SLCO5A1: variants seen among roughly 807,000 people sequenced by gnomAD.
The protein encoded by SLCO5A1 is solute carrier organic anion transporter family member 5A1, also known as organic anion transporter polypeptide-related protein 4.
Under a neutral mutation model 65.1 loss-of-function variants are expected in SLCO5A1, and 39 were observed. That is an observed-to-expected ratio of 0.60 (90% CI 0.46 to 0.78). The LOEUF (loss-of-function observed/expected upper bound fraction) is 0.78, where lower values mean the gene tolerates loss of function less well. Among genes scored for constraint, SLCO5A1 ranks in the 30% least tolerant of loss-of-function variants. The probability of loss-of-function intolerance (pLI) is 0.00; values close to 1 mark genes in which losing one functional copy is unlikely to be tolerated. For synonymous variants in SLCO5A1, 438 were observed against 415.7 expected (o/e 1.05, Z -0.65); for missense variants, 1,029 against 1,069.4 (o/e 0.96, Z 0.53).
intron 5 of SLCO5A1, chr8:69,713,787 A>C (rs1009677276): frequency 7.9e-5 from 12 of 152,234 alleles, no homozygotes; most frequent in African/African-American, 2.9e-4. Flanking sequence ...AGAAACACCT[A>C]AAGAGTTCTA....
intron 9 of SLCO5A1, among the ~76,000 whole-genome samples, chr8:69,674,864 A>C (rs939996890): frequency 4.5e-4 from 22 of 48,422 alleles, no homozygotes; most frequent in Non-Finnish European, 8.1e-4. Context: ...CTACTAAAAA[A>C]AAAAACAAAA....
chr8:69,772,199 A>G (rs998825954), intron 2 of SLCO5A1, among the ~76,000 whole-genome samples: 17 of 152,242 alleles, frequency 1.1e-4, no homozygotes, highest in Middle Eastern at 3.4e-3. Flanking sequence ...TCTACAATCT[A>G]TATTGAATAA....
intron 2 of SLCO5A1, among the ~76,000 whole-genome samples, chr8:69,821,741 G>A (rs1375423934): frequency 6.6e-6 from 1 of 151,358 alleles, no homozygotes; most frequent in African/African-American, 2.4e-5. Context: ...GGGAACTTGA[G>A]GCTGTAGTGA....
chr8:69,708,106 AG>A (rs1815057267), intron 5 of SLCO5A1, among the ~76,000 whole-genome samples: 1 of 152,226 alleles, frequency 6.6e-6, no homozygotes, highest in Non-Finnish European at 1.5e-5. Context: ...TATCATAAAA[AG>A]GTGAGTCCAC....
intron 2 of SLCO5A1, among the ~76,000 whole-genome samples, chr8:69,786,707 A>C (rs1783027687): frequency 6.6e-6 from 1 of 152,250 alleles, no homozygotes; most frequent in Non-Finnish European, 1.5e-5. Flanking sequence ...TAAAATGGAG[A>C]GCTAAAGTAC....
In SLCO5A1 at chr8:69,669,656, A is replaced by C. The variant is rs1813274357; in HGVS notation, c.*3213T>G. 6.6e-6 allele frequency: 1 copy of C among 151,956 alleles called. No individual in the cohort carries two copies. Among genetic ancestry groups the C allele is most frequent in the Non-Finnish European group, 1.5e-5 (1 of 68,038 alleles). 9.4% of individuals were successfully genotyped at this position (151,956 alleles called of 1,614,324 possible). A position where few individuals can be genotyped will look rare whatever the true frequency, so the allele number is the denominator to read the frequency against. On this transcript the variant is annotated 3_prime_UTR_variant, in exon 10 of 10. Transcript: ENST00000260126. ...ATGGTGAAACCCTCTCTCTACTAAA[A>C]ATAGAAAAAAAATAGCTGGGTGTGG...
intron 6 of SLCO5A1, among the ~76,000 whole-genome samples, chr8:69,702,492 G>T (rs1001117835): frequency 6.9e-6 from 1 of 145,298 alleles, no homozygotes; most frequent in Admixed American, 6.8e-5. Context: ...CACATACCCG[G>T]TACACACATC....
chr8:69,722,510 T>A (rs987172934), intron 5 of SLCO5A1, among the ~76,000 whole-genome samples: 6 of 152,172 alleles, frequency 3.9e-5, no homozygotes, highest in Admixed American at 6.5e-5. Flanking sequence ...ATTTTTTGTA[T>A]AAGGAAACTA....
At position 69,737,953 on chromosome 8, in the gene SLCO5A1, G is replaced by A. The variant is rs1215996094; in HGVS notation, c.1423+87C>T. On this transcript the variant is annotated intron_variant, in intron 5 of 9. Transcript: ENST00000260126. The stretch of plus-strand genomic sequence containing the variant: ...TGTTAATGAACTAGCTTAACACTTC[G>A]ATGTTAGATTGAACTTTCTCTTTAC... The A allele has an allele frequency of 2.3e-5, 33 of 1,408,602 alleles. 1 individual carries two copies. Among genetic ancestry groups the A allele is most frequent in the Middle Eastern group, 3.7e-4 (2 of 5,430 alleles). The allele number at this position is 1,408,602 out of a possible 1,614,324, so 87.3% of individuals were successfully genotyped here. A position where few individuals can be genotyped will look rare whatever the true frequency, so the allele number is the denominator to read the frequency against.
chr8:69,792,352 C>A lies in SLCO5A1; in HGVS notation c.908-30477G>T, dbSNP rs143335186. Among the ~76,000 whole-genome samples, 1,117 of 152,060 alleles carry A rather than the reference C, an allele frequency of 7.3e-3. 13 individuals carry two copies. The highest frequency in any genetic ancestry group is 0.026 in the African/African-American group (1,070 of 41,470). On this transcript the variant is annotated intron_variant, in intron 2 of 9. Transcript: ENST00000260126. ...AAGGGGGCAGGAGGGCAAAAGTGCT[C>A]CTGTACAGAAATATGGTAGGAAAAG...
intron 2 of SLCO5A1, among the ~76,000 whole-genome samples, chr8:69,831,333 C>T (rs73684317): frequency 0.014 from 2,135 of 151,874 alleles, 44 homozygotes; most frequent in African/African-American, 0.047. Context: ...AGTCTGGCCA[C>T]GCCACCATCC....
intron 2 of SLCO5A1, among the ~76,000 whole-genome samples, chr8:69,828,948 A>C (rs1455980465): frequency 6.6e-6 from 1 of 152,238 alleles, no homozygotes; most frequent in Non-Finnish European, 1.5e-5. Flanking sequence ...TGATGCTACC[A>C]AAAGTGGGAT....
At chr8:69,700,780 C>T (rs1005615486) in intron 6 of SLCO5A1, among the ~76,000 whole-genome samples, 1 of 151,660 alleles carries the variant, frequency 6.6e-6, no homozygotes, top group Non-Finnish European at 1.5e-5. Flanking sequence ...AAAATTTCAG[C>T]CACCTTGGCA....
chr8:69,780,890 A>G (rs1818763436), intron 2 of SLCO5A1, among the ~76,000 whole-genome samples: 1 of 152,202 alleles, frequency 6.6e-6, no homozygotes, highest in Admixed American at 6.5e-5. Context: ...AAATCTCAAA[A>G]TATTTTTGGA....
chr8:69,727,975 G>A (rs1361327544), intron 5 of SLCO5A1, among the ~76,000 whole-genome samples: 1 of 152,162 alleles, frequency 6.6e-6, no homozygotes, highest in African/African-American at 2.4e-5. Context: ...TTAGAAAAAT[G>A]GGTTATTTAG....
chr8:69,737,968 T>C, intron 5 of SLCO5A1, 72 bp downstream of exon 5: 2 of 1,513,890 alleles, frequency 1.3e-6, no homozygotes, highest in Non-Finnish European at 1.8e-6. Context: ...TAGATTGAAC[T>C]TTCTCTTTAC....
intron 2 of SLCO5A1, among the ~76,000 whole-genome samples, chr8:69,790,361 A>G (rs757684647): frequency 1.8e-4 from 28 of 152,092 alleles, no homozygotes; most frequent in Non-Finnish European, 3.7e-4. Context: ...TGTACCCACA[A>G]AAATTAAAAA....
At chr8:69,784,845 A>AAGAAAGAAAGAAAGAC (rs1818952530) in intron 2 of SLCO5A1, among the ~76,000 whole-genome samples, 2 of 147,934 alleles carry the variant, frequency 1.4e-5, no homozygotes, top group African/African-American at 5.0e-5. Flanking sequence ...GAAAGAAAGA[A>AAGAAAGAAAGAAAGAC]AGAAAGAAAG....
intron 2 of SLCO5A1, among the ~76,000 whole-genome samples, chr8:69,814,266 G>A (rs769630671): frequency 3.9e-5 from 6 of 152,028 alleles, no homozygotes; most frequent in South Asian, 2.1e-4. Flanking sequence ...CCCACAGATC[G>A]CAAGAAAACA....
Sources: allele counts gnomAD v4.1 joint callset (sites outside exome capture counted in the v4.1 genomes callset), GRCh38; gene constraint gnomAD v4.1.1; transcripts MANE v1.5; gene names NCBI Gene and HGNC (gene_info 2026-07-23, HGNC 2026-07-21).